NCAM1: variants seen among roughly 807,000 people sequenced by gnomAD.
NCAM1 encodes the protein neural cell adhesion molecule 1.
NCAM1 carries 14 observed loss-of-function variants against 109.8 expected under a neutral mutation model. That is an observed-to-expected ratio of 0.13 (90% CI 0.08 to 0.20). The LOEUF is 0.20. Among genes scored for constraint, NCAM1 ranks in the 10% least tolerant of loss-of-function variants. NCAM1 has a pLI of 1.00. For missense variants in NCAM1, 774 were observed against 1,109.9 expected, an observed-to-expected ratio of 0.70 and a Z score of 4.30; for synonymous variants, 418 against 442.9, an observed-to-expected ratio of 0.94 and a Z score of 0.70.
At chr11:112,975,560 TTGTG>T (rs2134599582) in intron 1 of NCAM1, among the ~76,000 whole-genome samples, 1 of 152,196 alleles carries the variant, frequency 6.6e-6, no homozygotes, top group East Asian at 1.9e-4. Context: ...TTTTTTCCTT[TTGTG>T]TGTGTAAGTG....
intron 1 of NCAM1, among the ~76,000 whole-genome samples, chr11:113,020,119 C>T (rs1555075973): frequency 1.3e-5 from 2 of 152,196 alleles, no homozygotes. Context: ...TTCACTTTAA[C>T]CCCTTACTTG....
chr11:113,166,771 CAA>C (rs373251794), intron 1 of NCAM1, among the ~76,000 whole-genome samples: 12 of 150,596 alleles, frequency 8.0e-5, no homozygotes, highest in African/African-American at 2.9e-4. Context: ...CACACACACA[CAA>C]AAAAAAACAC....
At chr11:113,230,091 A>C (rs540546854) in intron 9 of NCAM1, among the ~76,000 whole-genome samples, 30 of 152,278 alleles carry the variant, frequency 2.0e-4, no homozygotes, top group African/African-American at 7.0e-4. Flanking sequence ...ATTAAAAAAA[A>C]AAAGAAAAAG....
At chr11:113,129,267 T>C (rs782623818) in intron 1 of NCAM1, among the ~76,000 whole-genome samples, 3 of 152,120 alleles carry the variant, frequency 2.0e-5, no homozygotes, top group South Asian at 4.1e-4. Flanking sequence ...TCAATAAAAA[T>C]CTCTCATTAG....
chr11:112,981,874 G>T (rs1412647958), intron 1 of NCAM1, among the ~76,000 whole-genome samples: 4 of 151,790 alleles, frequency 2.6e-5, no homozygotes, highest in African/African-American at 9.7e-5. Context: ...AAGGTTTTTT[G>T]CATTCAAATA....
At chr11:113,136,099 C>T (rs1194679758) in intron 1 of NCAM1, among the ~76,000 whole-genome samples, 1 of 152,126 alleles carries the variant, frequency 6.6e-6, no homozygotes, top group Non-Finnish European at 1.5e-5. Context: ...GACAGGTTCG[C>T]CTGAGCCCAG....
At position 113,233,163 on chromosome 11, in the gene NCAM1, A is replaced by G; in HGVS notation, c.1539A>G (p.Pro513=). ...ILVQADTPSS[P]SIDQVEPYSS... is the part of the protein sequence containing the mutation. ...TCCCCACAGACACCCCCTCTTCACC[A>G]TCCATCGACCAGGTGGAGCCATACT... The change falls in exon 13 of 20, where the codon CCA becomes CCG. Residue 513 remains proline (P), a synonymous_variant. Coordinates refer to ENST00000316851, the MANE Select transcript of NCAM1 (RefSeq NM_181351.5). This position sits in a 1 kb window ranked among gnomAD's most constrained non-coding sequence, Gnocchi z 4.5. 1 of 1,613,320 alleles carries G rather than the reference A, an allele frequency of 6.2e-7. No homozygotes were observed. The highest frequency in any genetic ancestry group is 8.5e-7 in the Non-Finnish European group (1 of 1,179,812).
chr11:113,058,734 A>AT (rs1303883571), intron 1 of NCAM1, among the ~76,000 whole-genome samples: 5 of 152,254 alleles, frequency 3.3e-5, no homozygotes, highest in South Asian at 2.1e-4. Context: ...CTGCTTCTTC[A>AT]TGCCTCTCAT....
In NCAM1 at chr11:113,029,735, T is replaced by C. The variant is rs966973773; in HGVS notation, c.52+68071T>C. ...AAACATAAGGCCTTCTGCTGAACTA[T>C]TTGACTTTTTAACCACATTACATGT... On this transcript the variant is annotated intron_variant, in intron 1 of 19. Coordinates refer to ENST00000316851, the MANE Select transcript of NCAM1 (RefSeq NM_181351.5). Among the ~76,000 whole-genome samples the C allele has an allele frequency of 5.3e-5, 8 of 152,228 alleles. 1 individual carries two copies.
Position 113,193,027 on chromosome 11 carries a change from G to T in NCAM1, c.53-9352G>T, listed in dbSNP as rs144455064. ...CAGGACATTCCTGCCTTCACCTGTTGTGTTCTATATAAGACTGGGCTGATG... is the reference window on the plus strand; with the variant it reads ...CAGGACATTCCTGCCTTCACCTGTTTTGTTCTATATAAGACTGGGCTGATG... On this transcript the variant is annotated intron_variant, in intron 1 of 19. Coordinates refer to ENST00000316851, the MANE Select transcript of NCAM1 (RefSeq NM_181351.5). Among the ~76,000 whole-genome samples, 239 of 152,280 alleles carry T rather than the reference G, an allele frequency of 1.6e-3. 1 individual carries two copies. The highest frequency in any genetic ancestry group is 5.5e-3 in the African/African-American group (228 of 41,556).
chr11:113,232,018 T>C lies in NCAM1; in HGVS notation c.1241-152T>C, dbSNP rs555016983. On this transcript the variant is annotated intron_variant, in intron 10 of 19. Transcript: ENST00000316851. ...GTGCCCTTGAGTCTTCTTCCCATGC[T>C]GTGCACAGGAATTCTAGAATGGCCC... 1.5e-4 allele frequency among the ~76,000 whole-genome samples: 23 copies of C among 152,302 alleles called. No homozygotes were observed. In the East Asian group the frequency reaches 4.4e-3, roughly 29 times the overall value.
intron 1 of NCAM1, among the ~76,000 whole-genome samples, chr11:113,034,554 TTTC>T (rs1952809245): frequency 6.6e-6 from 1 of 152,196 alleles, no homozygotes; most frequent in South Asian, 2.1e-4. Flanking sequence ...TTTTCTTCTT[TTTC>T]TTCTTCTTTC....
At chr11:113,260,503 GGACCCC>G (rs1945960443) in intron 17 of NCAM1, 180 bp downstream of exon 17, 4 of 627,938 alleles carry the variant, frequency 6.4e-6, no homozygotes, top group Non-Finnish European at 1.0e-5. Context: ...GAGATGTACT[GGACCCC>G]CAGGAAGGCT....
chr11:113,052,248 G>A (rs1345422328), intron 1 of NCAM1, among the ~76,000 whole-genome samples: 1 of 152,184 alleles, frequency 6.6e-6, no homozygotes, highest in Admixed American at 6.5e-5. Context: ...TCAAATGGGA[G>A]AAAACTTGAA....
intron 1 of NCAM1, among the ~76,000 whole-genome samples, chr11:113,003,405 T>A (rs981072329): frequency 2.1e-4 from 32 of 152,266 alleles, no homozygotes; most frequent in Admixed American, 6.5e-4. Context: ...TTCATTTTTA[T>A]TGCAGTTGTC....
chr11:113,103,549 T>A lies in NCAM1; in HGVS notation c.53-98830T>A, dbSNP rs186012891. 6.6e-5 allele frequency among the ~76,000 whole-genome samples: 10 copies of A among 152,330 alleles called. No homozygotes were observed. The East Asian group carries it at 1.9e-3, about 29-fold the overall frequency. ...TGCTTCTGTGAACAGGTATCCCATC[T>A]ACGTTACCTGCCTCCACACGTGCAG... On this transcript the variant is annotated intron_variant, in intron 1 of 19. Coordinates refer to ENST00000316851, the MANE Select transcript of NCAM1 (RefSeq NM_181351.5).
chr11:113,018,909 T>A (rs1952294901), intron 1 of NCAM1, among the ~76,000 whole-genome samples: 1 of 152,166 alleles, frequency 6.6e-6, no homozygotes, highest in Non-Finnish European at 1.5e-5. Flanking sequence ...GTTGGACTTT[T>A]TATGAGAAGA....
At position 113,114,551 on chromosome 11, in the gene NCAM1, T is replaced by C. The variant is rs146202047; in HGVS notation, c.53-87828T>C. ...CATTCATTTTGATGCCAATTCTTTT[T>C]TGCTGTGCTTGGGGATTTTTGTTTT... is the stretch of plus-strand genomic sequence containing the variant. On this transcript the variant is annotated intron_variant, in intron 1 of 19. Transcript: ENST00000316851. Among the ~76,000 whole-genome samples, 248 of 152,356 alleles carry C rather than the reference T, an allele frequency of 1.6e-3. 3 individuals carry two copies. The highest frequency in any genetic ancestry group is 5.7e-3 in the African/African-American group (235 of 41,588).
intron 1 of NCAM1, among the ~76,000 whole-genome samples, chr11:113,169,481 A>G (rs913183661): frequency 2.0e-5 from 3 of 152,176 alleles, no homozygotes; most frequent in Non-Finnish European, 4.4e-5. Context: ...GGAAGAGATA[A>G]TACATATTAT....
Sources: gnomAD v4.1 joint callset for allele counts (sites outside exome capture counted in the v4.1 genomes callset) on GRCh38, gnomAD v4.1.1 for gene constraint, Gnocchi (gnomAD v3.1) non-coding constraint, MANE v1.5 for transcripts, NCBI Gene and HGNC (gene_info 2026-07-23, HGNC 2026-07-21) for gene names.